MYSM1: variants seen among roughly 807,000 people sequenced by gnomAD.
MYSM1 encodes Myb like, SWIRM and MPN domains 1, also known as deubiquitinase MYSM1.
MYSM1 carries 51 observed loss-of-function variants against 116.0 expected under a neutral mutation model. That is an observed-to-expected ratio of 0.44 (90% CI 0.35 to 0.56). MYSM1 has a LOEUF of 0.56. MYSM1 is among the 20% of genes least tolerant of loss of function. The pLI, the probability that MYSM1 is intolerant of heterozygous loss-of-function variation, is 0.00. For synonymous variants in MYSM1, 313 were observed against 315.2 expected (o/e 0.99, Z 0.07); for missense variants, 900 against 974.9 (o/e 0.92, Z 1.02).
chr1:58,676,953 A>T lies in MYSM1; in HGVS notation c.1363T>A (p.Leu455Met). 4.3e-6 allele frequency: 7 copies of T among 1,612,134 alleles called. No individual in the cohort carries two copies. The highest frequency in any genetic ancestry group is 5.9e-6 in the Non-Finnish European group (7 of 1,179,136). Residue 455 changes from leucine (L) to methionine (M), a missense_variant, in exon 9 of 20, where the codon TTG becomes ATG. By Grantham distance (15) the Leu-to-Met change is conservative. This residue lies in a region of MYSM1 where 622 missense variants were observed against 623.7 expected (regional missense o/e 1.00). Transcript: ENST00000472487. ...CATCCAAAATTGATTGCTCCTATCA[A>T]TTCGAGGTATGTATGAATCCGTCCA... ...CIGRIHTYLE[L>M]IGAINFGCEQ...
intron 6 of MYSM1, 116 bp from the exon 7 acceptor site, chr1:58,685,367 GAAGCACACAATA>G (rs1644813215): frequency 1.6e-6 from 1 of 643,344 alleles, no homozygotes; most frequent in East Asian, 2.8e-5. Context: ...TTTATTTTCT[GAAGCACACAATA>G]AAGTCTTCTA....
intron 8 of MYSM1, among the ~76,000 whole-genome samples, chr1:58,681,547 A>T (rs1396491271): frequency 6.6e-6 from 1 of 152,200 alleles, no homozygotes; most frequent in Non-Finnish European, 1.5e-5. Context: ...TCATAAAGCA[A>T]TCGTCTATCC....
intron 1 of MYSM1, among the ~76,000 whole-genome samples, chr1:58,698,428 G>GATACAATATATACAATT (rs1557530573): frequency 1.3e-5 from 2 of 151,788 alleles, no homozygotes; most frequent in East Asian, 3.9e-4. Flanking sequence ...ATACTCCTTG[G>GATACAATATATACAATT]GGTTGTATAA....
rs1414189338 is a variant in MYSM1 at position 58,661,174 on chromosome 1, T to C, written c.2324A>G (p.Gln775Arg). Reference protein sequence around the residue: ...FRRDSDLTCLQKLLECMRKTL... With the variant: ...FRRDSDLTCLRKLLECMRKTL... ...ATTAAAATGAAGACAGCTTACTTTC[T>C]GCAAACAAGTCAGGTCAGAATCCCG... is the stretch of plus-strand genomic sequence containing the variant. The change falls in exon 19 of 20, where the codon CAG (glutamine) becomes CGG (arginine). Residue 775 changes from glutamine (Q) to arginine (R), a missense_variant. By Grantham distance (43) the Gln-to-Arg change is conservative. Transcript: ENST00000472487. 3 of 1,612,270 alleles carry C rather than the reference T, an allele frequency of 1.9e-6. No homozygotes were observed. The highest frequency in any genetic ancestry group is 1.3e-5 in the African/African-American group (1 of 74,878).
intron 4 of MYSM1, 44 bp from the exon 5 acceptor site, chr1:58,690,293 C>T: frequency 6.3e-7 from 1 of 1,580,782 alleles, no homozygotes; most frequent in South Asian, 1.2e-5. Context: ...TGTGAGGTTT[C>T]TAAAACTACA....
At chr1:58,691,089 C>T (rs556697375) in intron 3 of MYSM1, among the ~76,000 whole-genome samples, 15 of 152,066 alleles carry the variant, frequency 9.9e-5, no homozygotes, top group African/African-American at 3.4e-4. Context: ...ACCATCCTGG[C>T]TAACACGGTG....
chr1:58,671,925 CTCT>C lies in MYSM1; in HGVS notation c.1603_1605del (p.Arg535del). 1 of 1,613,272 alleles carries C rather than the reference CTCT, an allele frequency of 6.2e-7. No homozygotes were observed. Among genetic ancestry groups the C allele is most frequent in the Admixed American group, 1.7e-5 (1 of 59,932 alleles). Reference sequence around the variant, plus strand: ...TTAACAGGTCTGCCTTTTTCCTCTTCTCTTCTTTTTGCCAACTCCTCAGCAGAG... The same window carrying C: ...TTAACAGGTCTGCCTTTTTCCTCTTCTCTTTTTGCCAACTCCTCAGCAGAG... On this transcript the variant is annotated inframe_deletion, in exon 12 of 20. Coordinates refer to ENST00000472487, the MANE Select transcript of MYSM1 (RefSeq NM_001085487.3).
chr1:58,687,505 A>T (rs12737850), intron 6 of MYSM1, among the ~76,000 whole-genome samples: 86,315 of 151,924 alleles, frequency 0.57, 24,814 homozygotes, highest in East Asian at 0.64. Flanking sequence ...TGCAGATGTA[A>T]GCATATATGT....
intron 16 of MYSM1, 86 bp from the exon 17 acceptor site, chr1:58,665,717 A>C: frequency 3.2e-6 from 3 of 927,180 alleles, no homozygotes; most frequent in African/African-American, 1.7e-5. Context: ...TAAACATCTA[A>C]TGGGGAAAAG....
At chr1:58,673,442 C>A (rs767229744) in intron 11 of MYSM1, 131 bp downstream of exon 11, 4 of 760,010 alleles carry the variant, frequency 5.3e-6, no homozygotes, top group South Asian at 1.7e-5. Context: ...GACTTCCAGA[C>A]AAATTAACAT....
intron 1 of MYSM1, among the ~76,000 whole-genome samples, chr1:58,695,877 T>C (rs1163785605): frequency 1.3e-5 from 2 of 152,238 alleles, no homozygotes; most frequent in African/African-American, 4.8e-5. Flanking sequence ...TTACATTGTT[T>C]ACCCCATATT....
At chr1:58,666,643 C>T (rs1268175747) in intron 16 of MYSM1, among the ~76,000 whole-genome samples, 4 of 139,568 alleles carry the variant, frequency 2.9e-5, no homozygotes, top group African/African-American at 8.1e-5. Context: ...GAGGCCGAGG[C>T]GGGCCAATCA....
Position 58,700,020 on chromosome 1 carries a change from T to G in MYSM1, c.33A>C (p.Glu11Asp). 6.2e-7 allele frequency: 1 copy of G among 1,613,698 alleles called. No homozygotes were observed. Among genetic ancestry groups the G allele is most frequent in the Middle Eastern group, 1.6e-4 (1 of 6,062 alleles). The change falls in exon 1 of 20, where the codon GAA becomes GAC. Residue 11 changes from glutamate to aspartate, a missense_variant. This residue lies in a region of MYSM1 where 622 missense variants were observed against 623.7 expected (regional missense o/e 1.00). Coordinates refer to ENST00000472487, the MANE Select transcript of MYSM1 (RefSeq NM_001085487.3). ...CCCCCGCCGCCGCTACCACGTCCCC[T>G]TCGATATCCACATCCGCCTCTTCAG... is the stretch of plus-strand genomic sequence containing the variant. MAAEEADVDI[E>D]GDVVAAAGAQ...
chr1:58,661,307 C>G (rs1644388068), intron 18 of MYSM1, 80 bp from the exon 19 acceptor site: 2 of 1,322,082 alleles, frequency 1.5e-6, no homozygotes, highest in Non-Finnish European at 2.2e-6. Flanking sequence ...ATCACGGATG[C>G]CATACATCAC....
chr1:58,696,186 G>A (rs900961135), intron 1 of MYSM1, among the ~76,000 whole-genome samples: 7 of 152,148 alleles, frequency 4.6e-5, no homozygotes, highest in African/African-American at 1.7e-4. Context: ...GGTAAATAAA[G>A]GATTCTGAGA....
At chr1:58,684,863 T>C (rs188204880) in intron 7 of MYSM1, among the ~76,000 whole-genome samples, 4 of 152,258 alleles carry the variant, frequency 2.6e-5, no homozygotes, top group Admixed American at 2.6e-4. Flanking sequence ...TAAGATAAGA[T>C]CTCTAAGGTT....
chr1:58,662,738 G>C (rs1455762448), intron 17 of MYSM1, among the ~76,000 whole-genome samples: 2 of 151,900 alleles, frequency 1.3e-5, no homozygotes, highest in African/African-American at 4.8e-5. Flanking sequence ...GCTCTAAAAA[G>C]GCATTTTTTC....
chr1:58,680,383 C>T (rs1644720929), intron 8 of MYSM1, among the ~76,000 whole-genome samples: 1 of 152,082 alleles, frequency 6.6e-6, no homozygotes, highest in African/African-American at 2.4e-5. Flanking sequence ...TTTAAAAAAT[C>T]AAGTAAGATG....
At chr1:58,671,406 T>G (rs1644558748) in intron 12 of MYSM1, among the ~76,000 whole-genome samples, 1 of 152,128 alleles carries the variant, frequency 6.6e-6, no homozygotes, top group Non-Finnish European at 1.5e-5. Flanking sequence ...AAAACTACAG[T>G]CTATTCAATG....
Sources: allele counts gnomAD v4.1 joint callset (sites outside exome capture counted in the v4.1 genomes callset), GRCh38; gene constraint gnomAD v4.1.1; regional missense constraint gnomAD v4.1.1; transcripts MANE v1.5; gene names NCBI Gene and HGNC (gene_info 2026-07-23, HGNC 2026-07-21).